SDK1: variants seen among roughly 807,000 people sequenced by gnomAD.
The protein encoded by SDK1 is protein sidekick-1.
A neutral mutation model predicts 245.5 loss-of-function variants in SDK1; 157 were observed. The ratio of observed to expected loss-of-function variants is 0.64; its 90% confidence interval spans 0.56 to 0.73. The LOEUF (loss-of-function observed/expected upper bound fraction) is 0.73. Among genes scored for constraint, SDK1 ranks in the 30% least tolerant of loss-of-function variants. The pLI is 0.00. For synonymous variants in SDK1, 1,647 were observed against 1,278.5 expected (o/e 1.29, Z -6.15); for missense variants, 3,583 against 3,002.3 (o/e 1.19, Z -4.52).
At chr7:3,752,442 CAAGAT>C (rs893075800) in intron 4 of SDK1, among the ~76,000 whole-genome samples, 1 of 152,090 alleles carries the variant, frequency 6.6e-6, no homozygotes, top group Admixed American at 6.5e-5. Context: ...TAAATGCAAA[CAAGAT>C]GAGGAAAGAA....
chr7:3,866,437 G>A (rs1003094305), intron 5 of SDK1, among the ~76,000 whole-genome samples: 1 of 152,182 alleles, frequency 6.6e-6, no homozygotes, highest in Non-Finnish European at 1.5e-5. Context: ...GGGGCCAAGT[G>A]ATTCTCTCAG....
At chr7:3,382,362 G>C (rs1318811611) in intron 1 of SDK1, among the ~76,000 whole-genome samples, 2 of 152,160 alleles carry the variant, frequency 1.3e-5, no homozygotes, top group Non-Finnish European at 2.9e-5. Context: ...ACCAGAATTT[G>C]AACCACGTAT....
At chr7:3,302,458 C>T (rs1194544150) in intron 1 of SDK1, 1 of 152,176 alleles carries the variant, frequency 6.6e-6, no homozygotes, top group African/African-American at 2.4e-5. Context: ...TTGCACTTGG[C>T]TTTGTTTTTC....
At chr7:4,086,583 G>T (rs936628368) in intron 22 of SDK1, among the ~76,000 whole-genome samples, 1 of 152,104 alleles carries the variant, frequency 6.6e-6, no homozygotes, top group Middle Eastern at 3.2e-3. Flanking sequence ...CAGAGCAGCC[G>T]GGGCAGGTCA....
chr7:3,410,529 C>T (rs944492819), intron 1 of SDK1, among the ~76,000 whole-genome samples: 12 of 148,810 alleles, frequency 8.1e-5, no homozygotes, highest in African/African-American at 3.0e-4. Context: ...AGCAATGTAA[C>T]TACTCTGCCA....
At chr7:4,165,743 G>T (rs1431630963) in intron 32 of SDK1, among the ~76,000 whole-genome samples, 1 of 152,056 alleles carries the variant, frequency 6.6e-6, no homozygotes, top group Non-Finnish European at 1.5e-5. Flanking sequence ...ACCCACCTTG[G>T]TCTCCCAAAG....
At chr7:3,612,113 G>A (rs1781613740) in intron 1 of SDK1, among the ~76,000 whole-genome samples, 1 of 151,992 alleles carries the variant, frequency 6.6e-6, no homozygotes. Context: ...CGGGGGTGAG[G>A]GATACGACTA....
intron 4 of SDK1, among the ~76,000 whole-genome samples, chr7:3,680,617 CT>C (rs1381590295): frequency 6.6e-6 from 1 of 152,206 alleles, no homozygotes; most frequent in African/African-American, 2.4e-5. Flanking sequence ...ATTTTGGTAT[CT>C]TCTTATGAAT....
At chr7:4,040,497 G>C (rs764773929) in intron 17 of SDK1, among the ~76,000 whole-genome samples, 16 of 152,166 alleles carry the variant, frequency 1.1e-4, no homozygotes, top group Admixed American at 2.0e-4. Context: ...CACACAAGGA[G>C]TGAGGTTAAG....
At chr7:4,054,269 T>C (rs1437552973) in intron 19 of SDK1, among the ~76,000 whole-genome samples, 1 of 152,190 alleles carries the variant, frequency 6.6e-6, no homozygotes, top group Non-Finnish European at 1.5e-5. Flanking sequence ...ATTGAGAGCA[T>C]TACAGATTCA....
chr7:3,513,483 A>G (rs977965322), intron 1 of SDK1, among the ~76,000 whole-genome samples: 3 of 152,220 alleles, frequency 2.0e-5, no homozygotes, highest in African/African-American at 7.2e-5. Context: ...AGTGCAATAG[A>G]AGAAATCATA....
chr7:4,014,648 A>T (rs1786254488), intron 16 of SDK1, among the ~76,000 whole-genome samples: 1 of 152,232 alleles, frequency 6.6e-6, no homozygotes, highest in Admixed American at 6.5e-5. Context: ...GTGTGCAGTA[A>T]TAAAATATTT....
intron 5 of SDK1, among the ~76,000 whole-genome samples, chr7:3,839,437 TTGATGATAAA>T (rs1241199853): frequency 1.3e-5 from 2 of 152,296 alleles, no homozygotes; most frequent in East Asian, 1.9e-4. Context: ...AAAATAATGT[TTGATGATAAA>T]TCACTGAGTG....
intron 14 of SDK1, among the ~76,000 whole-genome samples, chr7:3,998,154 G>T (rs1215979324): frequency 6.6e-6 from 1 of 152,228 alleles, no homozygotes; most frequent in African/African-American, 2.4e-5. Context: ...GGAGGCCCAG[G>T]TCTGCAGCCA....
chr7:3,430,838 C>A (rs67404848), intron 1 of SDK1, among the ~76,000 whole-genome samples: 4 of 152,206 alleles, frequency 2.6e-5, no homozygotes, highest in African/African-American at 9.6e-5. Context: ...GGGCTGCCTG[C>A]AGAGCTGTGT....
intron 4 of SDK1, among the ~76,000 whole-genome samples, chr7:3,714,088 G>A (rs988333183): frequency 6.6e-6 from 1 of 152,198 alleles, no homozygotes; most frequent in Non-Finnish European, 1.5e-5. Flanking sequence ...TGACAGCAAA[G>A]GAGGAAGCGT....
chr7:4,012,380 G>A (rs1041223870), intron 16 of SDK1, 145 bp downstream of exon 16: 14 of 868,614 alleles, frequency 1.6e-5, no homozygotes, highest in Non-Finnish European at 2.1e-5. Context: ...GAGTGGTGGA[G>A]ACTGTGGCAA....
chr7:3,992,070 C>T (rs866881222), intron 14 of SDK1, among the ~76,000 whole-genome samples: 1 of 152,248 alleles, frequency 6.6e-6, no homozygotes, highest in African/African-American at 2.4e-5. Flanking sequence ...GGGAGACACT[C>T]CACAGCCAGC....
In SDK1 at chr7:3,435,713, A is replaced by T. The variant is rs184610177; in HGVS notation, c.298+133829A>T. 4.6e-3 allele frequency among the ~76,000 whole-genome samples: 706 copies of T among 152,162 alleles called. 11 individuals are homozygous for T. Among genetic ancestry groups the T allele is most frequent in the African/African-American group, 0.016 (667 of 41,520 alleles). On this transcript the variant is annotated intron_variant, in intron 1 of 44. Coordinates refer to ENST00000404826, the MANE Select transcript of SDK1 (RefSeq NM_152744.4). Reference sequence around the variant, plus strand: ...GGGTAACTCATCTCTATCCTACTTTACATGCCCCACCTAAGTCCAACTCCC... The same window carrying T: ...GGGTAACTCATCTCTATCCTACTTTTCATGCCCCACCTAAGTCCAACTCCC...
Sources: allele counts gnomAD v4.1 joint callset (sites outside exome capture counted in the v4.1 genomes callset), GRCh38; gene constraint gnomAD v4.1.1; transcripts MANE v1.5; gene names NCBI Gene and HGNC (gene_info 2026-07-23, HGNC 2026-07-21).